The following SPDL1 variants were observed in gnomAD, a reference collection of about 807,000 sequenced individuals.
SPDL1 encodes the protein protein Spindly.
SPDL1 carries 85 observed loss-of-function variants against 79.5 expected under a neutral mutation model. The observed-to-expected ratio is 1.07, with a 90% CI of 0.90 to 1.28. SPDL1 has a LOEUF of 1.28. Among genes scored for constraint, SPDL1 ranks in the 50% most tolerant of loss-of-function variants. The pLI, the probability that SPDL1 is intolerant of heterozygous loss-of-function variation, is 0.00. For missense variants in SPDL1, 703 were observed against 697.8 expected, an observed-to-expected ratio of 1.01 and a Z score of -0.08; for synonymous variants, 269 against 240.3, an observed-to-expected ratio of 1.12 and a Z score of -1.10.
chr5:169,598,838 G>A, intron 9 of SPDL1, 134 bp from the exon 10 acceptor site: 1 of 1,217,668 alleles, frequency 8.2e-7, no homozygotes, highest in Middle Eastern at 2.9e-4. Context: ...ATTGTTTATT[G>A]TTTCTTTGTT....
intron 1 of SPDL1, among the ~76,000 whole-genome samples, chr5:169,585,185 T>C (rs1377829357): frequency 1.3e-5 from 2 of 152,220 alleles, no homozygotes; most frequent in African/African-American, 4.8e-5. Flanking sequence ...TTTTTGTCCA[T>C]GTTCCCTTCT....
intron 5 of SPDL1, 38 bp downstream of exon 5, chr5:169,594,332 T>C: frequency 6.2e-7 from 1 of 1,612,666 alleles, no homozygotes; most frequent in Non-Finnish European, 8.5e-7. Context: ...TTCCAATTTA[T>C]CATAACTTAT....
At chr5:169,601,711 A>G (rs751443110) in intron 11 of SPDL1, 86 bp downstream of exon 11, 2 of 1,218,434 alleles carry the variant, frequency 1.6e-6, no homozygotes, top group Admixed American at 2.0e-5. Context: ...CTGTTTCTTT[A>G]TCTACTTTCT....
rs188773146 is a variant in SPDL1, at chr5:169,599,167, T to G, written c.1324+8T>G. On this transcript the variant is annotated splice_region_variant and intron_variant, in intron 10 of 11. Transcript: ENST00000265295. ...TAAAATATGAACCTGAAGGTATATA[T>G]GTCTCATATATTTTTGTCTTTTAAA... The G allele has an allele frequency of 7.1e-7, 1 of 1,415,716 alleles. No individual in the cohort carries two copies. The highest frequency in any genetic ancestry group is 2.4e-5 in the East Asian group (1 of 41,920). The allele number at this position is 1,415,716 out of a possible 1,614,324, so 87.7% of individuals were successfully genotyped here.
Position 169,601,395 on chromosome 5 carries a change from A to T in SPDL1, c.1440A>T (p.Leu480Phe), listed in dbSNP as rs1581319849. 6.2e-7 allele frequency: 1 copy of T among 1,614,208 alleles called. No homozygotes were observed. The highest frequency in any genetic ancestry group is 8.5e-7 in the Non-Finnish European group (1 of 1,180,030). The change falls in exon 11 of 12, where the codon TTA becomes TTT. Residue 480 changes from leucine (L) to phenylalanine (F), a missense_variant. Transcript: ENST00000265295. ...CTCTCGGGGGAGAAGTTTATCGATT[A>T]CCGCCTCAGAAAGAGGAGACACAGT... is the stretch of plus-strand genomic sequence containing the variant. ...NSALGGEVYRLPPQKEETQSC... is the reference protein window; with the variant it reads ...NSALGGEVYRFPPQKEETQSC...
rs2113406087 is a variant in SPDL1, at chr5:169,604,350, A to G, written c.*143A>G. 2.5e-6 allele frequency: 2 copies of G among 803,354 alleles called. No individual in the cohort carries two copies. The highest frequency in any genetic ancestry group is 8.3e-4 in the Middle Eastern group (2 of 2,398). The allele number at this position is 803,354 out of a possible 1,614,324, so 49.8% of individuals were successfully genotyped here. A position where few individuals can be genotyped will look rare whatever the true frequency, so the allele number is the denominator to read the frequency against. On this transcript the variant is annotated 3_prime_UTR_variant, in exon 12 of 12. Coordinates refer to ENST00000265295, the MANE Select transcript of SPDL1 (RefSeq NM_017785.5). ...TGGCATTTTCATGTGCCTTTGACCA[A>G]GTGTTCAGAATTTGCTTGACTCTAA... is the stretch of plus-strand genomic sequence containing the variant.
intron 3 of SPDL1, among the ~76,000 whole-genome samples, chr5:169,591,692 G>A (rs1205129143): frequency 6.6e-6 from 1 of 152,168 alleles, no homozygotes; most frequent in African/African-American, 2.4e-5. Flanking sequence ...ATAATATTGT[G>A]GAAAGGTACC....
chr5:169,598,604 A>G lies in SPDL1; in HGVS notation c.1136+25A>G, dbSNP rs1373899588. ...AGTAAGTGTCTGGGTTGGTGGATGG[A>G]AAGATGAACATGTCACTTGCTTACT... On this transcript the variant is annotated intron_variant, in intron 9 of 11. Transcript: ENST00000265295. 2.6e-6 allele frequency: 4 copies of G among 1,529,752 alleles called. No homozygotes were observed. In the East Asian group the frequency reaches 9.0e-5, roughly 34 times the overall value. The allele number at this position is 1,529,752 out of a possible 1,614,324, so 94.8% of individuals were successfully genotyped here. A position where few individuals can be genotyped will look rare whatever the true frequency, so the allele number is the denominator to read the frequency against.
intron 1 of SPDL1, among the ~76,000 whole-genome samples, chr5:169,587,029 ATTC>A (rs1304491684): frequency 1.3e-5 from 2 of 152,096 alleles, no homozygotes; most frequent in African/African-American, 2.4e-5. Context: ...TTGCTGGAAC[ATTC>A]TTCTTCTAAA....
At chr5:169,603,969 GC>G in intron 11 of SPDL1, 90 bp from the exon 12 acceptor site, 1 of 1,375,118 alleles carries the variant, frequency 7.3e-7, no homozygotes, top group Non-Finnish European at 9.8e-7. Context: ...TGAATACCAT[GC>G]CTTATTGGAG....
chr5:169,588,412 A>C lies in SPDL1; in HGVS notation c.-5A>C. The C allele has an allele frequency of 6.3e-7, 1 of 1,591,192 alleles. No homozygotes were observed. Among genetic ancestry groups the C allele is most frequent in the Non-Finnish European group, 8.5e-7 (1 of 1,173,536 alleles). On this transcript the variant is annotated 5_prime_UTR_variant, in exon 2 of 12. Transcript: ENST00000265295. ...TTTACAGTTGGCTAAAAAAAAGAAAAGAACATGGAGGCAGATATAATCACA... is the reference window on the plus strand; with the variant it reads ...TTTACAGTTGGCTAAAAAAAAGAAACGAACATGGAGGCAGATATAATCACA...
Position 169,593,366 on chromosome 5 carries a change from A to C in SPDL1, c.349A>C (p.Lys117Gln). ...TTTTTGGCTTTAGATAGAAAAACTG[A>C]AAGTGGAATTAGATGAAGCCAGGCT... is the stretch of plus-strand genomic sequence containing the variant. The part of the protein sequence containing the change: ...NELKTKIEKL[K>Q]VELDEARLSE... The change falls in exon 4 of 12, where the codon AAA (lysine) becomes CAA (glutamine). Residue 117 changes from lysine (K) to glutamine (Q), a missense_variant. Lys to Gln is a moderately conservative substitution (Grantham distance 53). Coordinates refer to ENST00000265295, the MANE Select transcript of SPDL1 (RefSeq NM_017785.5). 6.3e-7 allele frequency: 1 copy of C among 1,583,964 alleles called. No individual in the cohort carries two copies. The highest frequency in any genetic ancestry group is 8.5e-7 in the Non-Finnish European group (1 of 1,171,710).
In SPDL1 at chr5:169,598,335, G is replaced by A. The variant is rs1398314981; in HGVS notation, c.1033-141G>A. The A allele has an allele frequency of 1.1e-5, 6 of 569,240 alleles. No homozygotes were observed. In the African/African-American group the frequency reaches 1.1e-4, roughly 11 times the overall value. The allele number at this position is 569,240 out of a possible 1,614,324, so 35.3% of individuals were successfully genotyped here. ...TGTTAATTATTTACCTACTTCAGAA[G>A]GCAGATAAATTAAATGGGTAGTTCT... is the stretch of plus-strand genomic sequence containing the variant. On this transcript the variant is annotated intron_variant, in intron 8 of 11. Coordinates refer to ENST00000265295, the MANE Select transcript of SPDL1 (RefSeq NM_017785.5).
chr5:169,594,542 GA>G (rs1260824221), intron 6 of SPDL1, 28 bp from the exon 7 acceptor site: 1 of 1,611,186 alleles, frequency 6.2e-7, no homozygotes, highest in South Asian at 1.1e-5. Context: ...TTTACTACCA[GA>G]ACAATTAAGC....
rs755098402 is a variant in SPDL1 at position 169,594,290 on chromosome 5, T to G, written c.677T>G (p.Leu226Arg). Residue 226 changes from leucine to arginine, a missense_variant, in exon 5 of 12, where the codon CTA becomes CGA. Physicochemically the swap from Leu to Arg is moderately radical, Grantham distance 102. Coordinates refer to ENST00000265295, the MANE Select transcript of SPDL1 (RefSeq NM_017785.5). ...EKEAVSYYNA[L>R]EKARVANQDL... ...GAAGCAGTTTCTTACTATAATGCCCTAGAGGTACTATGATTACAGTAACAT... is the reference window on the plus strand; with the variant it reads ...GAAGCAGTTTCTTACTATAATGCCCGAGAGGTACTATGATTACAGTAACAT... 1.9e-6 allele frequency: 3 copies of G among 1,613,686 alleles called. No homozygotes were observed. The South Asian group carries it at 3.3e-5, about 18-fold the overall frequency.
intron 1 of SPDL1, chr5:169,586,374 C>G (rs1270360865): frequency 4.6e-5 from 7 of 152,516 alleles, no homozygotes; most frequent in Admixed American, 6.5e-5. Flanking sequence ...CCTTCTACCT[C>G]ACTGGTCACT....
intron 1 of SPDL1, chr5:169,585,862 G>A (rs1028577300): frequency 2.0e-5 from 3 of 152,148 alleles, no homozygotes; most frequent in African/African-American, 2.4e-5. Flanking sequence ...CTGCTTATCA[G>A]CATCTAAACT....
chr5:169,594,675 A>G lies in SPDL1; in HGVS notation c.885A>G (p.Arg295=). 6.2e-7 allele frequency: 1 copy of G among 1,609,502 alleles called. No homozygotes were observed. The highest frequency in any genetic ancestry group is 1.3e-5 in the African/African-American group (1 of 74,920). Residue 295 remains arginine, a synonymous_variant, in exon 7 of 12, where the codon AGA becomes AGG. Transcript: ENST00000265295. ...QNVFNREQMQ[R]MKLQIATLLQ... is the part of the protein sequence containing the mutation. ...TATTTAACAGAGAACAGATGCAGAG[A>G]ATGAAGGTATAGAACTTTCACTATC...
chr5:169,588,342 T>C (rs1043046094), intron 1 of SPDL1, 52 bp from the exon 2 acceptor site: 2 of 1,242,586 alleles, frequency 1.6e-6, no homozygotes, highest in Middle Eastern at 2.1e-4. Context: ...TTGATATTAT[T>C]GCATGGAGTT....
Sources: allele counts gnomAD v4.1 joint callset (sites outside exome capture counted in the v4.1 genomes callset), GRCh38; gene constraint gnomAD v4.1.1; transcripts MANE v1.5; gene names NCBI Gene and HGNC (gene_info 2026-07-23, HGNC 2026-07-21).